SUGCT: variants seen among roughly 807,000 people sequenced by gnomAD.
The protein encoded by SUGCT is succinyl-CoA:glutarate CoA-transferase.
A neutral mutation model predicts 55.0 loss-of-function variants in SUGCT; 41 were observed. That is an observed-to-expected ratio of 0.74 (90% CI 0.58 to 0.97). The LOEUF (loss-of-function observed/expected upper bound fraction) is 0.97, where lower values mean the gene tolerates loss of function less well. Ranked by LOEUF, SUGCT falls within the 50% of genes least tolerant of loss-of-function variation. The probability of loss-of-function intolerance (pLI) is 0.00; values close to 1 mark genes in which losing one functional copy is unlikely to be tolerated. For synonymous variants in SUGCT, 187 were observed against 200.4 expected, an observed-to-expected ratio of 0.93 and a Z score of 0.56; for missense variants, 568 against 547.8, an observed-to-expected ratio of 1.04 and a Z score of -0.37.
the SUGCT span, among the ~76,000 whole-genome samples, chr7:40,905,671 T>TAGAATAC: frequency 1.3e-5 from 2 of 152,088 alleles, no homozygotes; most frequent in Non-Finnish European, 2.9e-5. Flanking sequence ...ATTGTTGTGG[T>TAGAATAC]AGAATACACA....
At chr7:40,467,983 T>A (rs1025397565) in intron 11 of SUGCT, among the ~76,000 whole-genome samples, 4 of 151,140 alleles carry the variant, frequency 2.6e-5, no homozygotes, top group Non-Finnish European at 5.9e-5. Flanking sequence ...TTTTTTTTTT[T>A]AACTAAAAGA....
the SUGCT span, among the ~76,000 whole-genome samples, chr7:40,903,195 G>C: frequency 0.11 from 16,132 of 151,916 alleles, 1,436 homozygotes; most frequent in African/African-American, 0.25. Context: ...CCACTTGCAG[G>C]TAATCAAGTT....
At chr7:40,881,660 T>G in the SUGCT span, among the ~76,000 whole-genome samples, 2 of 152,212 alleles carry the variant, frequency 1.3e-5, no homozygotes, top group Non-Finnish European at 2.9e-5. Context: ...GGCTGGGAAA[T>G]AACCCCAATC....
chr7:40,415,098 A>ATCTC (rs1786914847), intron 9 of SUGCT, among the ~76,000 whole-genome samples: 1 of 146,940 alleles, frequency 6.8e-6, no homozygotes, highest in Non-Finnish European at 1.5e-5. Context: ...CTATCTATCT[A>ATCTC]TCTATCTATC....
At chr7:40,601,216 G>A (rs1286839787) in intron 12 of SUGCT, among the ~76,000 whole-genome samples, 1 of 152,122 alleles carries the variant, frequency 6.6e-6, no homozygotes, top group Non-Finnish European at 1.5e-5. Flanking sequence ...GCTTCCAGGT[G>A]GGAATCTGTA....
At position 40,232,458 on chromosome 7, in the gene SUGCT, T is replaced by C. The variant is rs562105990; in HGVS notation, c.485-5177T>C. Among the ~76,000 whole-genome samples the C allele has an allele frequency of 3.3e-5, 5 of 152,258 alleles. No homozygotes were observed. In the South Asian group the frequency reaches 1.0e-3, roughly 32 times the overall value. On this transcript the variant is annotated intron_variant, in intron 6 of 13. Transcript: ENST00000335693. Reference sequence around the variant, plus strand: ...TCAATTACTTTCTTCTGAGGAGAGTTCATAGCTTCTTACCAGTTTGTCAAA... The same window carrying C: ...TCAATTACTTTCTTCTGAGGAGAGTCCATAGCTTCTTACCAGTTTGTCAAA...
At chr7:40,357,786 TTTGA>T (rs1285595486) in intron 9 of SUGCT, among the ~76,000 whole-genome samples, 1 of 152,192 alleles carries the variant, frequency 6.6e-6, no homozygotes, top group East Asian at 1.9e-4. Context: ...TTAATCTTCT[TTTGA>T]TTTTTTTAAC....
chr7:40,561,605 A>G (rs549810016), intron 12 of SUGCT, among the ~76,000 whole-genome samples: 205 of 151,790 alleles, frequency 1.4e-3, no homozygotes, highest in African/African-American at 4.7e-3. Flanking sequence ...ATAACTTGAC[A>G]GGGGAGATAA....
At chr7:40,398,054 T>A (rs192142313) in intron 9 of SUGCT, among the ~76,000 whole-genome samples, 7 of 152,196 alleles carry the variant, frequency 4.6e-5, no homozygotes, top group Admixed American at 4.6e-4. Flanking sequence ...GGTGTGGGGG[T>A]CAGAGGGTTG....
chr7:40,584,661 A>G (rs573591988), intron 12 of SUGCT, among the ~76,000 whole-genome samples: 206 of 152,372 alleles, frequency 1.4e-3, no homozygotes, highest in Middle Eastern at 6.8e-3. Flanking sequence ...AACTGATGAC[A>G]GGAGAAACTA....
intron 12 of SUGCT, among the ~76,000 whole-genome samples, chr7:40,594,336 G>A (rs1457587245): frequency 2.1e-5 from 3 of 145,204 alleles, no homozygotes; most frequent in African/African-American, 2.6e-5. Context: ...AAAAAAAAAA[G>A]TAAAAAAAAA....
intron 12 of SUGCT, among the ~76,000 whole-genome samples, chr7:40,688,662 A>C (rs1199556647): frequency 1.3e-5 from 2 of 152,128 alleles, no homozygotes; most frequent in Non-Finnish European, 2.9e-5. Flanking sequence ...TCAAGTCTTA[A>C]CACTAATAGT....
intron 12 of SUGCT, among the ~76,000 whole-genome samples, chr7:40,510,638 C>G (rs550999090): frequency 9.6e-4 from 146 of 152,168 alleles, no homozygotes; most frequent in African/African-American, 3.3e-3. Flanking sequence ...GACAGAAGTA[C>G]AAAGAGGCAA....
intron 8 of SUGCT, among the ~76,000 whole-genome samples, chr7:40,301,735 G>C (rs377465551): frequency 6.6e-6 from 1 of 152,186 alleles, no homozygotes; most frequent in Middle Eastern, 3.2e-3. Context: ...ACAAGTAATC[G>C]TCAGATTCAC....
At chr7:40,816,214 C>T (rs1446176859) in intron 13 of SUGCT, among the ~76,000 whole-genome samples, 1 of 152,358 alleles carries the variant, frequency 6.6e-6, no homozygotes, top group Non-Finnish European at 1.5e-5. Context: ...TTGCTCCAGC[C>T]TCTGGTCCAA....
chr7:40,590,587 A>C (rs1797660094), intron 12 of SUGCT, among the ~76,000 whole-genome samples: 1 of 152,240 alleles, frequency 6.6e-6, no homozygotes, highest in Non-Finnish European at 1.5e-5. Context: ...TACACTAAAC[A>C]ACAGATTATT....
chr7:40,677,442 C>G (rs1379211109), intron 12 of SUGCT, among the ~76,000 whole-genome samples: 2 of 152,188 alleles, frequency 1.3e-5, no homozygotes, highest in Admixed American at 6.5e-5. Context: ...TGTTTTCATT[C>G]CACAATCCTC....
chr7:40,719,513 T>C (rs1786204539), intron 12 of SUGCT, among the ~76,000 whole-genome samples: 1 of 152,120 alleles, frequency 6.6e-6, no homozygotes, highest in African/African-American at 2.4e-5. Context: ...CCTTAAAACC[T>C]GTGGGACTTC....
chr7:40,271,318 C>T (rs375908970), intron 7 of SUGCT, among the ~76,000 whole-genome samples: 31 of 151,912 alleles, frequency 2.0e-4, no homozygotes, highest in Non-Finnish European at 4.1e-4. Context: ...AATATATAGG[C>T]GGGGGTCTCA....
Sources: allele counts gnomAD v4.1 joint callset (sites outside exome capture counted in the v4.1 genomes callset), GRCh38; gene constraint gnomAD v4.1.1; transcripts MANE v1.5; gene names NCBI Gene and HGNC (gene_info 2026-07-23, HGNC 2026-07-21).